The following CRB1 variants were observed in gnomAD, a reference collection of about 807,000 sequenced individuals.
CRB1 encodes the protein protein crumbs homolog 1.
CRB1 carries 83 observed loss-of-function variants against 120.0 expected under a neutral mutation model. The observed-to-expected ratio is 0.69, with a 90% CI of 0.58 to 0.83. The LOEUF is 0.83. Ranked by LOEUF, CRB1 falls within the 40% of genes least tolerant of loss-of-function variation. The pLI, the probability that CRB1 is intolerant of heterozygous loss-of-function variation, is 0.00. For missense variants in CRB1, 1,699 were observed against 1,687.6 expected (o/e 1.01, Z -0.12); for synonymous variants, 625 against 612.5 (o/e 1.02, Z -0.30).
At chr1:197,467,814 A>G (rs115354541) in intron 11 of CRB1, among the ~76,000 whole-genome samples, 201 of 152,336 alleles carry the variant, frequency 1.3e-3, no homozygotes, top group African/African-American at 4.7e-3. Flanking sequence ...TAATGAAGCT[A>G]CTATGTTGAA....
intron 1 of CRB1, among the ~76,000 whole-genome samples, chr1:197,318,526 T>A (rs1272950298): frequency 6.6e-6 from 1 of 152,176 alleles, no homozygotes; most frequent in African/African-American, 2.4e-5. Flanking sequence ...ATGAAATAGG[T>A]ACTTCGAAGA....
intron 2 of CRB1, among the ~76,000 whole-genome samples, chr1:197,342,285 C>T (rs752141171): frequency 5.3e-5 from 8 of 152,278 alleles, no homozygotes; most frequent in Non-Finnish European, 8.8e-5. Context: ...GAACCTCTGT[C>T]GCCTGGCCTT....
chr1:197,411,134 A>T (rs1213909939), intron 5 of CRB1, among the ~76,000 whole-genome samples: 1 of 152,222 alleles, frequency 6.6e-6, no homozygotes, highest in African/African-American at 2.4e-5. Context: ...ACATGATTTC[A>T]AGTAAAATCA....
chr1:197,363,753 G>A (rs945514387), intron 5 of CRB1: 2 of 593,014 alleles, frequency 3.4e-6, no homozygotes, highest in Non-Finnish European at 3.2e-6. Flanking sequence ...TGCCATCCCT[G>A]CCCTTTCCAT....
chr1:197,343,565 A>G (rs966106096), intron 2 of CRB1, among the ~76,000 whole-genome samples: 1 of 152,050 alleles, frequency 6.6e-6, no homozygotes, highest in Admixed American at 6.6e-5. Context: ...CAGTTTTTGT[A>G]TTTAAGGGTA....
chr1:197,455,663 A>G (rs1437283505), intron 11 of CRB1, among the ~76,000 whole-genome samples: 1 of 152,204 alleles, frequency 6.6e-6, no homozygotes, highest in Non-Finnish European at 1.5e-5. Context: ...AATTTTAAAT[A>G]CCAAGATAAT....
At chr1:197,365,619 T>C (rs1048171490) in intron 5 of CRB1, among the ~76,000 whole-genome samples, 1 of 129,674 alleles carries the variant, frequency 7.7e-6, no homozygotes, top group Non-Finnish European at 1.5e-5. Flanking sequence ...TCCTTCTTCT[T>C]CTTCTTCTTT....
the CRB1 span, among the ~76,000 whole-genome samples, chr1:197,262,896 A>G: frequency 4.9e-4 from 74 of 152,304 alleles, no homozygotes; most frequent in East Asian, 3.9e-4. Context: ...TCCATCTTGT[A>G]TAAGTATCAC....
At chr1:197,467,637 C>G (rs1258831791) in intron 11 of CRB1, among the ~76,000 whole-genome samples, 1 of 152,110 alleles carries the variant, frequency 6.6e-6, no homozygotes, top group East Asian at 1.9e-4. Context: ...ACTGAATATT[C>G]TCTTGCTTTT....
chr1:197,327,182 C>T (rs1481669028), intron 1 of CRB1, among the ~76,000 whole-genome samples: 1 of 149,922 alleles, frequency 6.7e-6, no homozygotes, highest in East Asian at 1.9e-4. Flanking sequence ...CCATCTGTTG[C>T]CCCTTCCCAC....
intron 4 of CRB1, among the ~76,000 whole-genome samples, chr1:197,355,671 G>T (rs530434844): frequency 6.6e-6 from 1 of 152,138 alleles, no homozygotes; most frequent in Non-Finnish European, 1.5e-5. Context: ...GGGCAGCGGC[G>T]CCCACCGGCC....
chr1:197,332,463 A>C (rs143740600), intron 2 of CRB1, among the ~76,000 whole-genome samples: 3 of 152,360 alleles, frequency 2.0e-5, no homozygotes, highest in African/African-American at 7.2e-5. Context: ...GACATATATA[A>C]AACTTTCTTG....
the CRB1 span, among the ~76,000 whole-genome samples, chr1:197,208,648 G>C: frequency 6.9e-4 from 105 of 152,294 alleles, 1 homozygote; most frequent in African/African-American, 1.9e-3. Flanking sequence ...AGGGTACTTG[G>C]TTGTATTTTT....
At chr1:197,256,932 CGTGTGTGT>C in the CRB1 span, among the ~76,000 whole-genome samples, 8,124 of 141,460 alleles carry the variant, frequency 0.057, 263 homozygotes, top group Non-Finnish European at 0.079. Context: ...ATAGGATTTG[CGTGTGTGT>C]GTGTGTGTGT....
intron 5 of CRB1, among the ~76,000 whole-genome samples, chr1:197,381,345 A>T (rs755637693): frequency 6.6e-6 from 1 of 152,246 alleles, no homozygotes; most frequent in Admixed American, 6.5e-5. Flanking sequence ...TCAAATTGGC[A>T]TAATCCTCAC....
chr1:197,326,027 A>C (rs1287410782), intron 1 of CRB1, among the ~76,000 whole-genome samples: 1 of 152,188 alleles, frequency 6.6e-6, no homozygotes, highest in Non-Finnish European at 1.5e-5. Context: ...GAGTATACTG[A>C]TGATAAGAGG....
chr1:197,472,769 A>G (rs1231837735), intron 11 of CRB1, among the ~76,000 whole-genome samples: 1 of 152,168 alleles, frequency 6.6e-6, no homozygotes, highest in African/African-American at 2.4e-5. Flanking sequence ...CAGCACAGTG[A>G]GAGTGATAAC....
the CRB1 span, among the ~76,000 whole-genome samples, chr1:197,245,933 A>G: frequency 1.3e-5 from 2 of 152,050 alleles, no homozygotes; most frequent in East Asian, 3.9e-4. Flanking sequence ...CACTGCCACC[A>G]CAGTTGGGGT....
intron 6 of CRB1, among the ~76,000 whole-genome samples, chr1:197,423,721 C>T (rs1327647937): frequency 1.3e-5 from 2 of 152,156 alleles, no homozygotes; most frequent in Admixed American, 6.5e-5. Context: ...TCATGACTTG[C>T]ACTCATATTT....
Sources: gnomAD v4.1 joint callset for allele counts (sites outside exome capture counted in the v4.1 genomes callset) on GRCh38, gnomAD v4.1.1 for gene constraint, MANE v1.5 for transcripts, NCBI Gene and HGNC (gene_info 2026-07-23, HGNC 2026-07-21) for gene names.